Variants in CADM2 observed in about 807,000 individuals in gnomAD.
CADM2 encodes cell adhesion molecule 2.
Under a neutral mutation model 49.8 loss-of-function variants are expected in CADM2, and 12 were observed. The observed-to-expected ratio is 0.24, with a 90% CI of 0.15 to 0.39. CADM2 has a LOEUF of 0.39. CADM2 is among the 10% of genes least tolerant of loss of function. CADM2 has a pLI of 1.00. For missense variants in CADM2, 378 were observed against 492.3 expected (o/e 0.77, Z 2.20); for synonymous variants, 214 against 175.4 (o/e 1.22, Z -1.74).
chr3:85,730,732 T>C (rs1265471910), intron 2 of CADM2, among the ~76,000 whole-genome samples: 1 of 152,212 alleles, frequency 6.6e-6, no homozygotes, highest in Non-Finnish European at 1.5e-5. Context: ...TGTATCTTAA[T>C]GACTGCTCCA....
intron 1 of CADM2, among the ~76,000 whole-genome samples, chr3:85,583,529 A>G (rs1047260097): frequency 3.3e-5 from 5 of 152,154 alleles, no homozygotes; most frequent in Non-Finnish European, 7.4e-5. Flanking sequence ...ACATAGTGGA[A>G]ATTGAGCAAA....
chr3:85,630,334 G>A (rs1424796957), intron 1 of CADM2, among the ~76,000 whole-genome samples: 1 of 151,838 alleles, frequency 6.6e-6, no homozygotes, highest in Non-Finnish European at 1.5e-5. Flanking sequence ...TGTTGCACAG[G>A]AATGACTTCC....
intron 1 of CADM2, among the ~76,000 whole-genome samples, chr3:85,602,145 T>C (rs1175724283): frequency 6.6e-6 from 1 of 151,830 alleles, no homozygotes; most frequent in African/African-American, 2.4e-5. Flanking sequence ...GCTACAAAGG[T>C]AAATTTGTTT....
chr3:85,223,347 A>G (rs559521068), intron 1 of CADM2, among the ~76,000 whole-genome samples: 51 of 152,278 alleles, frequency 3.3e-4, no homozygotes, highest in African/African-American at 1.2e-3. Flanking sequence ...TATTTGTTAT[A>G]TCAAAGATTT....
intron 1 of CADM2, among the ~76,000 whole-genome samples, chr3:85,644,953 G>A (rs1303079034): frequency 6.6e-6 from 1 of 151,780 alleles, no homozygotes; most frequent in Non-Finnish European, 1.5e-5. Context: ...TATCAATAGT[G>A]GCACCATTAT....
intron 1 of CADM2, among the ~76,000 whole-genome samples, chr3:85,458,387 A>G (rs1269214459): frequency 6.6e-6 from 1 of 152,202 alleles, no homozygotes; most frequent in African/African-American, 2.4e-5. Context: ...TTCTGGTGTA[A>G]AAACAACAAT....
At chr3:85,944,237 A>G (rs893842455) in intron 7 of CADM2, among the ~76,000 whole-genome samples, 1 of 152,158 alleles carries the variant, frequency 6.6e-6, no homozygotes, top group African/African-American at 2.4e-5. Flanking sequence ...CTAAATATAT[A>G]TGCGCCCAAT....
chr3:85,882,033 C>G (rs1404814559), intron 3 of CADM2, among the ~76,000 whole-genome samples: 1 of 152,126 alleles, frequency 6.6e-6, no homozygotes, highest in East Asian at 1.9e-4. Flanking sequence ...CTGTGTGACC[C>G]AGTTCCTAAC....
intron 1 of CADM2, among the ~76,000 whole-genome samples, chr3:85,074,933 T>G (rs1315766578): frequency 6.7e-6 from 1 of 149,420 alleles, no homozygotes; most frequent in South Asian, 2.1e-4. Flanking sequence ...AAAAAAAAAA[T>G]CCAGAAAAAT....
Position 85,086,242 on chromosome 3 carries a change from A to G in CADM2, c.61+126574A>G, listed in dbSNP as rs532473656. On this transcript the variant is annotated intron_variant, in intron 1 of 9. Coordinates refer to ENST00000383699, the MANE Select transcript of CADM2 (RefSeq NM_001167675.2). ...GCTCATACAGAAATAAGAGTACGTT[A>G]AATTTTTTATGTATATTATTTTTTC... 3.3e-5 allele frequency among the ~76,000 whole-genome samples: 5 copies of G among 152,206 alleles called. No individual in the cohort carries two copies. In the South Asian group the frequency reaches 1.0e-3, roughly 32 times the overall value.
chr3:85,020,766 GGT>G (rs913835031), intron 1 of CADM2, among the ~76,000 whole-genome samples: 11 of 148,570 alleles, frequency 7.4e-5, no homozygotes, highest in Non-Finnish European at 9.0e-5. Context: ...GTGTGTGTAT[GGT>G]GTGTGTGTGT....
intron 1 of CADM2, among the ~76,000 whole-genome samples, chr3:85,638,769 T>TTTTC (rs954635057): frequency 3.3e-5 from 5 of 152,106 alleles, no homozygotes; most frequent in Non-Finnish European, 7.4e-5. Context: ...CTATTTATTT[T>TTTTC]TTTCTTTCTT....
intron 2 of CADM2, among the ~76,000 whole-genome samples, chr3:85,746,903 C>T (rs1009218761): frequency 2.6e-5 from 4 of 152,030 alleles, no homozygotes; most frequent in African/African-American, 7.2e-5. Context: ...TCTCTGAGGG[C>T]TGAGGCTTTT....
intron 3 of CADM2, among the ~76,000 whole-genome samples, chr3:85,804,989 G>A (rs545020977): frequency 1.3e-5 from 2 of 152,004 alleles, no homozygotes; most frequent in Non-Finnish European, 2.9e-5. Context: ...TGTTGCTCAG[G>A]GAGTTCAGTG....
At chr3:85,370,225 A>AATAATAATG (rs1179448060) in intron 1 of CADM2, among the ~76,000 whole-genome samples, 31 of 144,784 alleles carry the variant, frequency 2.1e-4, no homozygotes, top group African/African-American at 7.2e-4. Flanking sequence ...AAATAATAAT[A>AATAATAATG]ATAATAATAA....
At chr3:85,656,602 C>A (rs1037582219) in intron 1 of CADM2, among the ~76,000 whole-genome samples, 2 of 151,572 alleles carry the variant, frequency 1.3e-5, no homozygotes, top group Non-Finnish European at 2.9e-5. Context: ...GGTGACAGGG[C>A]GAGATTCCAT....
At chr3:86,055,037 A>T (rs1356120688) in intron 8 of CADM2, among the ~76,000 whole-genome samples, 1 of 152,190 alleles carries the variant, frequency 6.6e-6, no homozygotes, top group East Asian at 1.9e-4. Context: ...AAAAAGCAGC[A>T]ATTTATATAT....
rs550527826 is a variant in CADM2 at position 85,527,976 on chromosome 3, A to G, written c.62-198546A>G. Reference sequence around the variant, plus strand: ...ATTATTTAGTAAAAATGTTTTAACAATTCATTGCTTATATATGATGTTTAA... The same window carrying G: ...ATTATTTAGTAAAAATGTTTTAACAGTTCATTGCTTATATATGATGTTTAA... On this transcript the variant is annotated intron_variant, in intron 1 of 9. Coordinates refer to ENST00000383699, the MANE Select transcript of CADM2 (RefSeq NM_001167675.2). 7.9e-5 allele frequency among the ~76,000 whole-genome samples: 12 copies of G among 152,298 alleles called. No homozygotes were observed. In the South Asian group the frequency reaches 1.2e-3, roughly 16 times the overall value.
chr3:85,264,593 T>A (rs1450744292), intron 1 of CADM2, among the ~76,000 whole-genome samples: 2 of 152,046 alleles, frequency 1.3e-5, no homozygotes, highest in Non-Finnish European at 2.9e-5. Flanking sequence ...GCCAGCCAAT[T>A]TAGGGACTAT....
Sources: gnomAD v4.1 joint callset for allele counts (sites outside exome capture counted in the v4.1 genomes callset) on GRCh38, gnomAD v4.1.1 for gene constraint, MANE v1.5 for transcripts, NCBI Gene and HGNC (gene_info 2026-07-23, HGNC 2026-07-21) for gene names.